ZNF827: variants seen among roughly 807,000 people sequenced by gnomAD.
ZNF827 encodes the protein zinc finger protein 827.
ZNF827 carries 13 observed loss-of-function variants against 102.4 expected under a neutral mutation model. The observed-to-expected ratio is 0.13, with a 90% CI of 0.08 to 0.20. ZNF827 has a LOEUF of 0.20. Among genes scored for constraint, ZNF827 ranks in the 10% least tolerant of loss-of-function variants. The pLI, the probability that ZNF827 is intolerant of heterozygous loss-of-function variation, is 1.00. For missense variants in ZNF827, 1,103 were observed against 1,344.4 expected (o/e 0.82, Z 2.81); for synonymous variants, 523 against 536.2 (o/e 0.98, Z 0.34).
At chr4:145,906,920 T>C (rs758653122) in intron 1 of ZNF827, 5 of 396,398 alleles carry the variant, frequency 1.3e-5, no homozygotes, top group African/African-American at 4.2e-5. Context: ...TAATACTCTG[T>C]TAATCACTTT....
intron 5 of ZNF827, among the ~76,000 whole-genome samples, chr4:145,853,726 A>G (rs1746768002): frequency 1.3e-5 from 2 of 152,340 alleles, no homozygotes; most frequent in Admixed American, 6.5e-5. Context: ...GTACTTCAGG[A>G]GGCTGAGGTG....
At chr4:145,845,838 G>A in intron 7 of ZNF827, 118 bp downstream of exon 7, 13 of 957,766 alleles carry the variant, frequency 1.4e-5, no homozygotes, top group South Asian at 1.0e-4. Context: ...TGGTGGTAAA[G>A]GGTGTGACTC....
intron 1 of ZNF827, among the ~76,000 whole-genome samples, chr4:145,910,262 T>C (rs1752183685): frequency 6.6e-6 from 1 of 152,184 alleles, no homozygotes; most frequent in Admixed American, 6.5e-5. Context: ...ATCACTCCTC[T>C]GCAGAGTGAG....
chr4:145,785,094 G>A (rs1051122161), intron 8 of ZNF827, among the ~76,000 whole-genome samples: 1 of 152,168 alleles, frequency 6.6e-6, no homozygotes, highest in African/African-American at 2.4e-5. Context: ...AAATAGGTGT[G>A]TAGGATTAAG....
intron 4 of ZNF827, among the ~76,000 whole-genome samples, chr4:145,872,945 C>CTT (rs201105472): frequency 4.6e-5 from 6 of 130,604 alleles, no homozygotes; most frequent in East Asian, 2.4e-4. Flanking sequence ...TTTTTCTTTT[C>CTT]TTTTTTTTTT....
At position 145,885,868 on chromosome 4, in the gene ZNF827, A is replaced by G; in HGVS notation, c.1557T>C (p.Pro519=). Residue 519 remains proline (P), a synonymous_variant, in exon 4 of 15, where the codon CCT becomes CCC. Transcript: ENST00000508784. ...CCTTGGGTTCCTCCTTCACCAGCAA[A>G]GGCGAGACGCCAGCCCCTCCCTGGC... The part of the protein sequence containing the change: ...RTSQGGAGVS[P]LLVKEEPKED... 6.2e-7 allele frequency: 1 copy of G among 1,614,164 alleles called. No homozygotes were observed. The highest frequency in any genetic ancestry group is 8.5e-7 in the Non-Finnish European group (1 of 1,180,028).
chr4:145,906,370 G>T (rs1445046651), intron 1 of ZNF827, among the ~76,000 whole-genome samples: 1 of 152,178 alleles, frequency 6.6e-6, no homozygotes, highest in African/African-American at 2.4e-5. Flanking sequence ...TCATTAAGAG[G>T]TGAACACTCA....
intron 1 of ZNF827, among the ~76,000 whole-genome samples, chr4:145,906,512 T>C (rs1202703315): frequency 6.6e-6 from 1 of 152,202 alleles, no homozygotes; most frequent in African/African-American, 2.4e-5. Flanking sequence ...CTTAATTTCC[T>C]AACCCCCTCC....
At position 145,902,187 on chromosome 4, in the gene ZNF827, C is replaced by T. The variant is rs137908440; in HGVS notation, c.1072G>A (p.Val358Ile). The change falls in exon 2 of 15, where the codon GTT becomes ATT. Residue 358 changes from valine to isoleucine, a missense_variant. Coordinates refer to ENST00000508784, the MANE Select transcript of ZNF827 (RefSeq NM_001306215.2). This position sits in a 1 kb window ranked among gnomAD's most constrained non-coding sequence, Gnocchi z 4.3. ...LLLLPVPKGR[V>I]SKPSNSASEE... Reference sequence around the variant, plus strand: ...ATACCTGAATTGGAGGGTTTAGAAACTCTTCCCTTAGGAACTGGGAGTAAT... The same window carrying T: ...ATACCTGAATTGGAGGGTTTAGAAATTCTTCCCTTAGGAACTGGGAGTAAT... 21 of 1,603,976 alleles carry T rather than the reference C, an allele frequency of 1.3e-5. No homozygotes were observed. Among genetic ancestry groups the T allele is most frequent in the African/African-American group, 5.4e-5 (4 of 74,380 alleles).
At chr4:145,859,375 A>G (rs1183824816) in intron 5 of ZNF827, among the ~76,000 whole-genome samples, 1 of 152,178 alleles carries the variant, frequency 6.6e-6, no homozygotes, top group Non-Finnish European at 1.5e-5. Context: ...TAGGAGGAGT[A>G]ATATAGGGTT....
At chr4:145,916,741 C>A (rs921961075) in intron 1 of ZNF827, among the ~76,000 whole-genome samples, 1 of 152,084 alleles carries the variant, frequency 6.6e-6, no homozygotes, top group African/African-American at 2.4e-5. Flanking sequence ...ATCTTTAAAT[C>A]ATTTCTCTCC....
At chr4:145,823,264 C>T (rs1192267039) in intron 8 of ZNF827, among the ~76,000 whole-genome samples, 158 bp downstream of exon 8, 1 of 152,164 alleles carries the variant, frequency 6.6e-6, no homozygotes, top group Middle Eastern at 3.2e-3. Flanking sequence ...TTTTAATAAA[C>T]TTTTGTAGCT....
At chr4:145,934,058 T>C (rs796588680) in intron 1 of ZNF827, among the ~76,000 whole-genome samples, 2 of 152,208 alleles carry the variant, frequency 1.3e-5, no homozygotes, top group Non-Finnish European at 2.9e-5. Context: ...TATTGGACCT[T>C]GTTAATGGAA....
chr4:145,889,639 C>T (rs556515000), intron 3 of ZNF827, among the ~76,000 whole-genome samples: 69 of 151,278 alleles, frequency 4.6e-4, no homozygotes, highest in African/African-American at 1.6e-3. Flanking sequence ...CTGCAAGCTC[C>T]GCCTCCCGTA....
intron 7 of ZNF827, among the ~76,000 whole-genome samples, chr4:145,824,699 G>T (rs543796253): frequency 6.6e-6 from 1 of 152,190 alleles, no homozygotes; most frequent in Non-Finnish European, 1.5e-5. Context: ...GCAGGGAAAC[G>T]CAGCCAGGAG....
rs75146210 is a variant in ZNF827, at chr4:145,811,762, C to T, written c.2383+11660G>A. ...GTTTACCATAAGTATTGATGAGAGA[C>T]TCCAATGTGAACTTTTGCCTGATTG... On this transcript the variant is annotated intron_variant, in intron 8 of 14. Transcript: ENST00000508784. Among the ~76,000 whole-genome samples the T allele has an allele frequency of 9.3e-3, 1,416 of 152,298 alleles. 23 individuals carry two copies. Among genetic ancestry groups the T allele is most frequent in the African/African-American group, 0.032 (1,342 of 41,568 alleles).
At chr4:145,775,475 C>T (rs539479972) in intron 10 of ZNF827, among the ~76,000 whole-genome samples, 1 of 151,674 alleles carries the variant, frequency 6.6e-6, no homozygotes, top group African/African-American at 2.4e-5. Flanking sequence ...CACTCAGTTA[C>T]AAAGGTTGGA....
At chr4:145,791,295 C>T (rs954359259) in intron 8 of ZNF827, among the ~76,000 whole-genome samples, 3 of 152,156 alleles carry the variant, frequency 2.0e-5, no homozygotes, top group Middle Eastern at 3.2e-3. Flanking sequence ...ATAAGGGCCT[C>T]TTTTATAGGG....
chr4:145,880,533 T>G (rs574046780), intron 4 of ZNF827, among the ~76,000 whole-genome samples: 1 of 152,338 alleles, frequency 6.6e-6, no homozygotes, highest in East Asian at 1.9e-4. Flanking sequence ...CCTGCTCCTT[T>G]CTTAACTCAG....
Sources: gnomAD v4.1 joint callset for allele counts (sites outside exome capture counted in the v4.1 genomes callset) on GRCh38, gnomAD v4.1.1 for gene constraint, Gnocchi (gnomAD v3.1) non-coding constraint, MANE v1.5 for transcripts, NCBI Gene and HGNC (gene_info 2026-07-23, HGNC 2026-07-21) for gene names.